The following CRYL1 variants were observed in gnomAD, a reference collection of about 807,000 sequenced individuals.
The protein encoded by CRYL1 is crystallin lambda 1, also known as lambda-crystallin homolog.
CRYL1 carries 29 observed loss-of-function variants against 36.6 expected under a neutral mutation model. The observed-to-expected ratio is 0.79, with a 90% confidence interval of 0.59 to 1.08. The LOEUF is 1.08. CRYL1 is among the 50% of genes least tolerant of loss of function. The pLI is 0.00. For synonymous variants in CRYL1, 152 were observed against 151.5 expected, an observed-to-expected ratio of 1.00 and a Z score of -0.02; for missense variants, 411 against 407.9, an observed-to-expected ratio of 1.01 and a Z score of -0.06.
chr13:20,485,539 C>T (rs1289734911), intron 3 of CRYL1, among the ~76,000 whole-genome samples: 2 of 151,968 alleles, frequency 1.3e-5, no homozygotes, highest in Non-Finnish European at 2.9e-5. Flanking sequence ...TGTGGTGGCA[C>T]ATGCCTGTAA....
At chr13:20,464,171 A>G (rs1049168366) in intron 3 of CRYL1, among the ~76,000 whole-genome samples, 1 of 152,254 alleles carries the variant, frequency 6.6e-6, no homozygotes, top group Non-Finnish European at 1.5e-5. Flanking sequence ...TGTTCGTTAT[A>G]CAAGTTACAT....
At chr13:20,495,951 C>T (rs2033598411) in intron 2 of CRYL1, among the ~76,000 whole-genome samples, 1 of 152,148 alleles carries the variant, frequency 6.6e-6, no homozygotes, top group Non-Finnish European at 1.5e-5. Context: ...GAATGCACCA[C>T]CACACCCAAC....
rs1452863251 is a variant in CRYL1 at position 20,481,677 on chromosome 13, G to A, written c.276+7693C>T. The stretch of plus-strand genomic sequence containing the variant: ...TGTAATTCCAGCACTTTGGGAGGCC[G>A]AAGCGGGCAGATCACCTGAGGTCAG... On this transcript the variant is annotated intron_variant, in intron 3 of 7. Coordinates refer to ENST00000298248, the MANE Select transcript of CRYL1 (RefSeq NM_015974.3). The surrounding 1 kb of genome is among the most constrained non-coding windows in gnomAD (Gnocchi z 4.1). Among the ~76,000 whole-genome samples the A allele has an allele frequency of 1.3e-5, 2 of 152,114 alleles. No individual in the cohort carries two copies. The highest frequency in any genetic ancestry group is 2.4e-5 in the African/African-American group (1 of 41,418).
intron 2 of CRYL1, among the ~76,000 whole-genome samples, chr13:20,507,731 A>T (rs1405185790): frequency 6.6e-6 from 1 of 152,004 alleles, no homozygotes; most frequent in East Asian, 1.9e-4. Flanking sequence ...ATCCTGGCTA[A>T]CACAGTGAAA....
intron 6 of CRYL1, among the ~76,000 whole-genome samples, chr13:20,407,067 C>T (rs1343168103): frequency 6.7e-6 from 1 of 149,132 alleles, no homozygotes; most frequent in African/African-American, 2.5e-5. Context: ...TTCTACAAAA[C>T]TTTTATTCTG....
intron 2 of CRYL1, among the ~76,000 whole-genome samples, chr13:20,490,166 G>A (rs1478559275): frequency 6.6e-6 from 1 of 152,156 alleles, no homozygotes; most frequent in Non-Finnish European, 1.5e-5. Context: ...CGAGGTGGGT[G>A]GATCACTTGA....
At chr13:20,456,045 T>C (rs1200844039) in intron 3 of CRYL1, among the ~76,000 whole-genome samples, 1 of 152,192 alleles carries the variant, frequency 6.6e-6, no homozygotes, top group Non-Finnish European at 1.5e-5. Context: ...TGCAAAGAAA[T>C]GTAACTTAGT....
chr13:20,483,999 G>A (rs1429652578), intron 3 of CRYL1, among the ~76,000 whole-genome samples: 2 of 152,118 alleles, frequency 1.3e-5, no homozygotes, highest in Non-Finnish European at 2.9e-5. Context: ...TGTATTTTTA[G>A]TAGAGACAGC....
At chr13:20,489,257 A>C in intron 3 of CRYL1, 113 bp downstream of exon 3, 1 of 1,306,176 alleles carries the variant, frequency 7.7e-7, no homozygotes, top group Non-Finnish European at 1.0e-6. Context: ...CTGCCCTTGA[A>C]GATGCAAAAT....
chr13:20,476,313 C>G (rs2033166380), intron 3 of CRYL1, among the ~76,000 whole-genome samples: 1 of 150,778 alleles, frequency 6.6e-6, no homozygotes, highest in African/African-American at 2.4e-5. Flanking sequence ...CAAGATCGCG[C>G]CACTGCACTA....
In CRYL1 at chr13:20,468,023, TGATCA is replaced by T. The variant is rs200681384; in HGVS notation, c.276+21342_276+21346del. Among the ~76,000 whole-genome samples, 3 of 152,240 alleles carry T rather than the reference TGATCA, an allele frequency of 2.0e-5. No individual in the cohort carries two copies. In the East Asian group the frequency reaches 5.8e-4, roughly 29 times the overall value. On this transcript the variant is annotated intron_variant, in intron 3 of 7. Coordinates refer to ENST00000298248, the MANE Select transcript of CRYL1 (RefSeq NM_015974.3). ...TCATGAGAATCTTACAAGCGCCTTATGATCAGCAGTGGAACAGTTTCATCCTGAAG... is the reference window on the plus strand; with the variant it reads ...TCATGAGAATCTTACAAGCGCCTTATGCAGTGGAACAGTTTCATCCTGAAG...
chr13:20,420,883 G>A (rs1360067761), intron 5 of CRYL1, among the ~76,000 whole-genome samples: 15 of 151,552 alleles, frequency 9.9e-5, no homozygotes, highest in Non-Finnish European at 1.8e-4. Context: ...CTACAGGCCC[G>A]CCACCACGCC....
At position 20,404,259 on chromosome 13, in the gene CRYL1, GA is replaced by G. The variant is rs532043622; in HGVS notation, c.847-18del. On this transcript the variant is annotated intron_variant, in intron 7 of 7. Coordinates refer to ENST00000298248, the MANE Select transcript of CRYL1 (RefSeq NM_015974.3). ...GCACATGTCCTGCAAGAAGGAGAAG[GA>G]AAAAAAAGGACAATAAAGAGGAAAT... 67 of 1,460,446 alleles carry G rather than the reference GA, an allele frequency of 4.6e-5. No individual in the cohort carries two copies. The highest frequency in any genetic ancestry group is 4.1e-4 in the South Asian group (35 of 85,482). 90.5% of individuals were successfully genotyped at this position (1,460,446 alleles called of 1,614,324 possible). A position where few individuals can be genotyped will look rare whatever the true frequency, so the allele number is the denominator to read the frequency against.
intron 2 of CRYL1, among the ~76,000 whole-genome samples, chr13:20,501,806 T>C (rs2033708736): frequency 2.0e-5 from 3 of 152,196 alleles, no homozygotes; most frequent in African/African-American, 4.8e-5. Flanking sequence ...GCCCTGATTA[T>C]GCAGAGGCAG....
intron 2 of CRYL1, among the ~76,000 whole-genome samples, chr13:20,497,336 C>T (rs74216019): frequency 6.1e-3 from 23 of 3,764 alleles, no homozygotes; most frequent in Admixed American, 0.013. Context: ...CACACCACCA[C>T]ACACACTACA....
rs541793990 is a variant in CRYL1 at position 20,508,674 on chromosome 13, G to A, written c.149+3769C>T. 8.6e-5 allele frequency among the ~76,000 whole-genome samples: 13 copies of A among 151,144 alleles called. No individual in the cohort carries two copies. The East Asian group carries it at 1.4e-3, about 16-fold the overall frequency. ...ATCCTGGCTAACACAGTGAAACCCC[G>A]TCTCTGCTAAAAATACAAAAAAAAA... On this transcript the variant is annotated intron_variant, in intron 2 of 7. Coordinates refer to ENST00000298248, the MANE Select transcript of CRYL1 (RefSeq NM_015974.3).
intron 3 of CRYL1, among the ~76,000 whole-genome samples, chr13:20,459,925 A>G (rs1007408089): frequency 1.3e-5 from 2 of 152,262 alleles, no homozygotes; most frequent in Non-Finnish European, 2.9e-5. Context: ...TGAAGTAGAA[A>G]GTGAGGGTCT....
At chr13:20,404,571 G>A (rs1477058031) in intron 7 of CRYL1, 64 bp downstream of exon 7, 2 of 1,044,618 alleles carry the variant, frequency 1.9e-6, no homozygotes, top group African/African-American at 1.6e-5. Flanking sequence ...CAGAGGTGAG[G>A]GGCAGCAAGT....
intron 3 of CRYL1, among the ~76,000 whole-genome samples, chr13:20,462,323 C>T (rs963726777): frequency 2.0e-5 from 3 of 151,578 alleles, no homozygotes; most frequent in Admixed American, 6.6e-5. Flanking sequence ...TTTCAACACT[C>T]ATACAATAAA....
Sources: gnomAD v4.1 joint callset for allele counts (sites outside exome capture counted in the v4.1 genomes callset) on GRCh38, gnomAD v4.1.1 for gene constraint, Gnocchi (gnomAD v3.1) non-coding constraint, MANE v1.5 for transcripts, NCBI Gene and HGNC (gene_info 2026-07-23, HGNC 2026-07-21) for gene names.